The following ST3GAL3 variants were observed in gnomAD, a reference collection of about 807,000 sequenced individuals.
ST3GAL3 encodes CMP-N-acetylneuraminate-beta-1,4-galactoside alpha-2,3-sialyltransferase.
Under a neutral mutation model 50.1 loss-of-function variants are expected in ST3GAL3, and 21 were observed. The ratio of observed to expected loss-of-function variants is 0.42; its 90% confidence interval spans 0.30 to 0.60. The LOEUF (loss-of-function observed/expected upper bound fraction) is 0.60, where lower values mean the gene tolerates loss of function less well. Ranked by LOEUF, ST3GAL3 falls within the 20% of genes least tolerant of loss-of-function variation. ST3GAL3 has a pLI of 0.19. For synonymous variants in ST3GAL3, 183 were observed against 190.0 expected, an observed-to-expected ratio of 0.96 and a Z score of 0.30; for missense variants, 353 against 489.4, an observed-to-expected ratio of 0.72 and a Z score of 2.63.
chr1:43,770,971 C>T (rs1437358691), intron 2 of ST3GAL3, among the ~76,000 whole-genome samples: 16 of 152,340 alleles, frequency 1.1e-4, no homozygotes, highest in African/African-American at 3.6e-4. Flanking sequence ...ACTGTCTTTA[C>T]AGCTTTATCT....
intron 4 of ST3GAL3, chr1:43,819,060 A>G (rs2061756499): frequency 6.6e-6 from 1 of 152,234 alleles, no homozygotes. Context: ...CTGTATTTCA[A>G]TAAAACTTTA....
At chr1:43,856,890 C>G (rs138664871) in intron 5 of ST3GAL3, among the ~76,000 whole-genome samples, 2 of 152,296 alleles carry the variant, frequency 1.3e-5, no homozygotes, top group African/African-American at 4.8e-5. Flanking sequence ...CCTCTTTGCT[C>G]TATCTTCCAA....
chr1:43,746,161 A>G (rs1462681279), intron 2 of ST3GAL3, among the ~76,000 whole-genome samples: 1 of 152,244 alleles, frequency 6.6e-6, no homozygotes, highest in African/African-American at 2.4e-5. Flanking sequence ...AGAAGGAAGG[A>G]AATTTTGACA....
chr1:43,725,646 T>C (rs758138488), intron 1 of ST3GAL3, among the ~76,000 whole-genome samples: 11 of 152,132 alleles, frequency 7.2e-5, no homozygotes, highest in Non-Finnish European at 1.3e-4. Flanking sequence ...TTAAATTTAA[T>C]TAATTAATTA....
chr1:43,888,766 G>A (rs189197745), intron 5 of ST3GAL3, among the ~76,000 whole-genome samples: 1 of 152,220 alleles, frequency 6.6e-6, no homozygotes, highest in Admixed American at 6.5e-5. Context: ...GTTTGACAGT[G>A]TACTCTTGGT....
intron 2 of ST3GAL3, among the ~76,000 whole-genome samples, chr1:43,781,111 C>T (rs1403873291): frequency 6.6e-6 from 1 of 152,156 alleles, no homozygotes; most frequent in Non-Finnish European, 1.5e-5. Context: ...AGTTTGCTGA[C>T]TTCCACTTGT....
chr1:43,801,944 G>A (rs982009927), intron 3 of ST3GAL3, among the ~76,000 whole-genome samples: 3 of 152,154 alleles, frequency 2.0e-5, no homozygotes, highest in African/African-American at 4.8e-5. Context: ...AGAGTGGGAC[G>A]ATCCGAGTTT....
chr1:43,898,254 C>T lies in ST3GAL3; in HGVS notation c.417C>T (p.Ile139=). 1 of 1,613,998 alleles carries T rather than the reference C, an allele frequency of 6.2e-7. No individual in the cohort carries two copies. The highest frequency in any genetic ancestry group is 8.5e-7 in the Non-Finnish European group (1 of 1,180,038). ...CTGCAGACAATCTGATCAAAGCCATCTTGTCAGTCACCAAAGAGTACCGCC... is the reference window on the plus strand; with the variant it reads ...CTGCAGACAATCTGATCAAAGCCATTTTGTCAGTCACCAAAGAGTACCGCC... ...IKGQDNLIKA[I]LSVTKEYRLT... Residue 139 remains isoleucine (I), a synonymous_variant, in exon 7 of 12, where the codon ATC becomes ATT. Coordinates refer to ENST00000347631, the MANE Select transcript of ST3GAL3 (RefSeq NM_006279.5).
intron 3 of ST3GAL3, among the ~76,000 whole-genome samples, chr1:43,814,064 G>A (rs2060947179): frequency 6.6e-6 from 1 of 152,094 alleles, no homozygotes; most frequent in South Asian, 2.1e-4. Flanking sequence ...TGATTCTCCT[G>A]GTTTATTTTC....
At chr1:43,907,818 A>G (rs2080075212) in intron 9 of ST3GAL3, among the ~76,000 whole-genome samples, 1 of 152,172 alleles carries the variant, frequency 6.6e-6, no homozygotes, top group Non-Finnish European at 1.5e-5. Flanking sequence ...TCACCTTAAA[A>G]ATAAAAGCCC....
rs370463807 is a variant in ST3GAL3 at position 43,916,218 on chromosome 1, TCTA to T, written c.745-4183_745-4181del. Among the ~76,000 whole-genome samples the T allele has an allele frequency of 4.7e-4, 71 of 152,376 alleles. 2 individuals carry two copies. The East Asian group carries it at 0.013, about 27-fold the overall frequency. ...TGTTTCAGTTTTATGTTTCAGTTAC[TCTA>T]CTGGGCTTTGGAGTGTTCAGCAGTC... On this transcript the variant is annotated intron_variant, in intron 9 of 11. Transcript: ENST00000347631.
At chr1:43,910,077 C>T (rs772218320) in intron 9 of ST3GAL3, among the ~76,000 whole-genome samples, 5 of 152,114 alleles carry the variant, frequency 3.3e-5, no homozygotes, top group African/African-American at 7.2e-5. Context: ...AACTTGGTAC[C>T]GAGAGCCATC....
At chr1:43,816,461 A>G (rs1185799663) in intron 4 of ST3GAL3, among the ~76,000 whole-genome samples, 2 of 152,204 alleles carry the variant, frequency 1.3e-5, no homozygotes, top group Non-Finnish European at 2.9e-5. Flanking sequence ...ATTGTGGTAG[A>G]AAGCCATAGG....
At chr1:43,769,341 A>G (rs1313968889) in intron 2 of ST3GAL3, among the ~76,000 whole-genome samples, 1 of 152,218 alleles carries the variant, frequency 6.6e-6, no homozygotes, top group Admixed American at 6.5e-5. Context: ...AAGATCAGGA[A>G]CAAGACAAGA....
At position 43,868,537 on chromosome 1, in the gene ST3GAL3, G is replaced by T. The variant is rs535488452; in HGVS notation, c.303-25846G>T. On this transcript the variant is annotated intron_variant, in intron 5 of 11. Transcript: ENST00000347631. ...GAGAACCCTTCAAAACTAGCAGTTT[G>T]TTTAAACCCTGGGCATACGCAAAGC... is the stretch of plus-strand genomic sequence containing the variant. 5.9e-5 allele frequency among the ~76,000 whole-genome samples: 9 copies of T among 152,280 alleles called. No individual in the cohort carries two copies. The South Asian group carries it at 1.5e-3, about 25-fold the overall frequency.
At chr1:43,872,807 A>G (rs188032814) in intron 5 of ST3GAL3, among the ~76,000 whole-genome samples, 135 of 152,194 alleles carry the variant, frequency 8.9e-4, no homozygotes, top group African/African-American at 3.2e-3. Flanking sequence ...ATAAAGCAGG[A>G]ATGGAAGTTA....
At chr1:43,796,199 GTT>G (rs1347941410) in intron 3 of ST3GAL3, among the ~76,000 whole-genome samples, 3 of 152,188 alleles carry the variant, frequency 2.0e-5, no homozygotes, top group South Asian at 2.1e-4. Flanking sequence ...TTGGTTGCTT[GTT>G]TTCTGTCTTT....
At chr1:43,788,746 T>A (rs1483544556) in intron 2 of ST3GAL3, among the ~76,000 whole-genome samples, 2 of 152,198 alleles carry the variant, frequency 1.3e-5, no homozygotes, top group African/African-American at 4.8e-5. Context: ...TCAAAATGAA[T>A]AGACAGTCTT....
chr1:43,838,582 T>C, intron 5 of ST3GAL3: 1 of 417,160 alleles, frequency 2.4e-6, no homozygotes, highest in African/African-American at 2.0e-5. Context: ...GCAAGCCAGG[T>C]ATCCAGAGGC....
Sources: allele counts gnomAD v4.1 joint callset (sites outside exome capture counted in the v4.1 genomes callset), GRCh38; gene constraint gnomAD v4.1.1; transcripts MANE v1.5; gene names NCBI Gene and HGNC (gene_info 2026-07-23, HGNC 2026-07-21).